LEMD3: variants seen among roughly 807,000 people sequenced by gnomAD.
LEMD3 encodes the protein LEM domain containing 3.
A neutral mutation model predicts 95.2 loss-of-function variants in LEMD3; 33 were observed. The ratio of observed to expected loss-of-function variants is 0.35; its 90% CI spans 0.26 to 0.46. The LOEUF is 0.46. Ranked by LOEUF, LEMD3 falls within the 20% of genes least tolerant of loss-of-function variation. LEMD3 has a pLI of 1.00. For synonymous variants in LEMD3, 525 were observed against 474.6 expected (o/e 1.11, Z -1.38); for missense variants, 1,210 against 1,192.8 (o/e 1.01, Z -0.21).
intron 1 of LEMD3, among the ~76,000 whole-genome samples, chr12:65,173,302 A>G (rs1868613908): frequency 1.3e-5 from 2 of 152,226 alleles, no homozygotes; most frequent in Non-Finnish European, 2.9e-5. Context: ...CAGTGTTAAG[A>G]TGAATGACTA....
At chr12:65,209,538 G>T (rs555072144) in intron 1 of LEMD3, among the ~76,000 whole-genome samples, 1 of 151,984 alleles carries the variant, frequency 6.6e-6, no homozygotes, top group Admixed American at 6.6e-5. Flanking sequence ...ATTAAAAAGG[G>T]TATCTTTTTA....
rs200928805 is a variant in LEMD3 at position 65,246,620 on chromosome 12, G to T, written c.*295G>T. On this transcript the variant is annotated 3_prime_UTR_variant, in exon 13 of 13. Transcript: ENST00000308330. ...TTTCAGATGTGGTGGTTGTATTTTT[G>T]CCCCAAGAAGTGTTTGGATAACCAC... is the stretch of plus-strand genomic sequence containing the variant. The T allele has an allele frequency of 5.5e-6, 2 of 363,558 alleles. No individual in the cohort carries two copies. Among genetic ancestry groups the T allele is most frequent in the Non-Finnish European group, 1.0e-5 (2 of 195,548 alleles). The allele number at this position is 363,558 out of a possible 1,614,324, so 22.5% of individuals were successfully genotyped here. A position where few individuals can be genotyped will look rare whatever the true frequency, so the allele number is the denominator to read the frequency against.
chr12:65,211,061 A>G, intron 2 of LEMD3, 98 bp downstream of exon 2: 1 of 916,334 alleles, frequency 1.1e-6, no homozygotes, highest in Non-Finnish European at 1.8e-6. Context: ...TTTTAAAGTT[A>G]TTTTAGTCTT....
rs142666738 is a variant in LEMD3 at position 65,245,974 on chromosome 12, GATAGTT to G, written c.2572+42_2572+47del. ...TTGAGTACTACAAACATTTTGAAAA[GATAGTT>G]ATAGTTTAATTTTAAACTATACCAG... On this transcript the variant is annotated intron_variant, in intron 12 of 12. Transcript: ENST00000308330. 1.7e-4 allele frequency: 249 copies of G among 1,489,368 alleles called. No homozygotes were observed. The African/African-American group carries it at 3.0e-3, about 18-fold the overall frequency. The allele number at this position is 1,489,368 out of a possible 1,614,324, so 92.3% of individuals were successfully genotyped here. A position where few individuals can be genotyped will look rare whatever the true frequency, so the allele number is the denominator to read the frequency against.
At chr12:65,211,009 A>G (rs751782261) in intron 2 of LEMD3, 46 bp downstream of exon 2, 3 of 1,361,964 alleles carry the variant, frequency 2.2e-6, no homozygotes, top group Non-Finnish European at 2.1e-6. Context: ...CATGTTTTAT[A>G]TGATAAAAGC....
chr12:65,239,333 T>C (rs576589757), intron 6 of LEMD3, among the ~76,000 whole-genome samples: 1 of 152,200 alleles, frequency 6.6e-6, no homozygotes, highest in East Asian at 1.9e-4. Context: ...GAGGATTGCT[T>C]GCACTCAGGA....
intron 1 of LEMD3, among the ~76,000 whole-genome samples, chr12:65,207,242 T>C (rs1869790799): frequency 6.6e-6 from 1 of 152,148 alleles, no homozygotes; most frequent in Admixed American, 6.6e-5. Flanking sequence ...CTGGCATTGA[T>C]GAAGCTGCTA....
At position 65,238,811 on chromosome 12, in the gene LEMD3, T is replaced by C. The variant is rs1416255885; in HGVS notation, c.1918T>C (p.Leu640=). 6.2e-7 allele frequency: 1 copy of C among 1,614,016 alleles called. No homozygotes were observed. Among genetic ancestry groups the C allele is most frequent in the Admixed American group, 1.7e-5 (1 of 60,016 alleles). Reference sequence around the variant, plus strand: ...AACTCACAGATTATTGTTGTTATGCTTAGGTAAGTTGTAAAGATAAGAAAT... The same window carrying C: ...AACTCACAGATTATTGTTGTTATGCCTAGGTAAGTTGTAAAGATAAGAAAT... The part of the protein sequence containing the change: ...TVTHRLLLLC[L]GVVMVCVVLR... Residue 640 remains leucine, a synonymous_variant, in exon 6 of 13, where the codon TTA becomes CTA. Coordinates refer to ENST00000308330, the MANE Select transcript of LEMD3 (RefSeq NM_014319.5).
chr12:65,195,405 A>G (rs1231636630), intron 1 of LEMD3, among the ~76,000 whole-genome samples: 1 of 152,168 alleles, frequency 6.6e-6, no homozygotes, highest in African/African-American at 2.4e-5. Flanking sequence ...TATTAAAAAA[A>G]AAAATAGCTA....
At chr12:65,203,277 TAATG>T (rs60567303) in intron 1 of LEMD3, among the ~76,000 whole-genome samples, 43,870 of 151,828 alleles carry the variant, frequency 0.29, 6,380 homozygotes, top group Admixed American at 0.36. Flanking sequence ...AGCGTTCCAA[TAATG>T]GAACACTAGA....
chr12:65,170,801 C>G lies in LEMD3; in HGVS notation c.1205C>G (p.Ser402Cys), dbSNP rs139346096. 4 of 1,614,132 alleles carry G rather than the reference C, an allele frequency of 2.5e-6. No homozygotes were observed. Among genetic ancestry groups the G allele is most frequent in the East Asian group, 2.2e-5 (1 of 44,872 alleles). Residue 402 changes from serine to cysteine, a missense_variant, in exon 1 of 13, where the codon TCC becomes TGC. By Grantham distance (112) the Ser-to-Cys change is moderately radical (BLOSUM62 -1). Around this residue, in one of 2 missense-constraint regions of LEMD3, gnomAD observed 749 missense variants for 622.9 expected, o/e 1.20. Transcript: ENST00000308330. The stretch of plus-strand genomic sequence containing the variant: ...GGCGGTGGGGCCTTCAGTGTGGACT[C>G]CCCCAGGATTTATTCTAACAGTCTC... ...HIGGGAFSVD[S>C]PRIYSNSLPP...
chr12:65,204,928 T>C (rs995753112), intron 1 of LEMD3, among the ~76,000 whole-genome samples: 2 of 152,138 alleles, frequency 1.3e-5, no homozygotes, highest in Non-Finnish European at 2.9e-5. Context: ...AGTCTCTGTA[T>C]TAGTCCATCC....
chr12:65,178,606 ATAAC>A (rs1364529482), intron 1 of LEMD3, among the ~76,000 whole-genome samples: 18 of 152,220 alleles, frequency 1.2e-4, no homozygotes, highest in Admixed American at 1.2e-3. Context: ...AGTAATAATA[ATAAC>A]TAACCCTTAC....
intron 1 of LEMD3, among the ~76,000 whole-genome samples, chr12:65,195,178 G>A (rs534861296): frequency 6.6e-6 from 1 of 152,060 alleles, no homozygotes; most frequent in East Asian, 1.9e-4. Context: ...GGTTATGGTG[G>A]GCCAGCTATA....
intron 1 of LEMD3, among the ~76,000 whole-genome samples, chr12:65,204,061 G>T (rs1869687160): frequency 6.6e-6 from 1 of 151,900 alleles, no homozygotes; most frequent in South Asian, 2.1e-4. Flanking sequence ...ACTTATACTT[G>T]GGTCTTGTTT....
chr12:65,213,408 G>A (rs1248403076), intron 2 of LEMD3, among the ~76,000 whole-genome samples: 1 of 152,004 alleles, frequency 6.6e-6, no homozygotes, highest in African/African-American at 2.4e-5. Context: ...GTATTTTTTT[G>A]TAGAGATGGG....
intron 2 of LEMD3, 75 bp downstream of exon 2, chr12:65,211,038 T>A: frequency 9.5e-7 from 1 of 1,057,694 alleles, no homozygotes; most frequent in Non-Finnish European, 1.5e-6. Flanking sequence ...GACTATCAAC[T>A]AAAAAAAAGT....
intron 1 of LEMD3, among the ~76,000 whole-genome samples, chr12:65,176,888 G>T (rs2136316909): frequency 6.6e-6 from 1 of 152,242 alleles, no homozygotes; most frequent in Admixed American, 6.5e-5. Context: ...TCACATATCA[G>T]GTACTCAGGA....
At chr12:65,241,779 G>C (rs2136355925) in intron 9 of LEMD3, among the ~76,000 whole-genome samples, 1 of 152,236 alleles carries the variant, frequency 6.6e-6, no homozygotes, top group South Asian at 2.1e-4. Flanking sequence ...AAGGTAAGTT[G>C]TTTTGGACAT....
Sources: gnomAD v4.1 joint callset for allele counts (sites outside exome capture counted in the v4.1 genomes callset) on GRCh38, gnomAD v4.1.1 for gene constraint, gnomAD v4.1.1 regional missense constraint, MANE v1.5 for transcripts, NCBI Gene and HGNC (gene_info 2026-07-23, HGNC 2026-07-21) for gene names.